The following CD302 variants were observed in gnomAD, a reference collection of about 807,000 sequenced individuals.
CD302 encodes the protein CD302 molecule.
In CD302, 23 loss-of-function variants were observed where a neutral mutation model predicts 26.5. The ratio of observed to expected loss-of-function variants is 0.87; its 90% confidence interval spans 0.62 to 1.23. The LOEUF (loss-of-function observed/expected upper bound fraction) is 1.23, where lower values mean the gene tolerates loss of function less well. Ranked by LOEUF, CD302 falls within the 50% of genes most tolerant of loss-of-function variation. The pLI, the probability that CD302 is intolerant of heterozygous loss-of-function variation, is 0.00. For missense variants in CD302, 290 were observed against 275.5 expected (o/e 1.05, Z -0.37); for synonymous variants, 90 against 99.4 (o/e 0.91, Z 0.56).
chr2:159,789,281 C>T (rs574773316), intron 1 of CD302, among the ~76,000 whole-genome samples: 2 of 152,122 alleles, frequency 1.3e-5, no homozygotes, highest in South Asian at 2.1e-4. Context: ...GGATTACAGG[C>T]GTGAGTCACT....
intron 5 of CD302, among the ~76,000 whole-genome samples, chr2:159,775,061 C>A (rs974834596): frequency 6.6e-6 from 1 of 152,182 alleles, no homozygotes. Flanking sequence ...AAATAAAGTG[C>A]AACACCTCCC....
In CD302 at chr2:159,777,973, C is replaced by T; in HGVS notation, c.470-9G>A. The T allele has an allele frequency of 1.1e-6, 1 of 931,962 alleles. No homozygotes were observed. Among genetic ancestry groups the T allele is most frequent in the Non-Finnish European group, 1.5e-6 (1 of 648,342 alleles). 57.7% of individuals were successfully genotyped at this position (931,962 alleles called of 1,614,324 possible). A position where few individuals can be genotyped will look rare whatever the true frequency, so the allele number is the denominator to read the frequency against. On this transcript the variant is annotated splice_polypyrimidine_tract_variant and intron_variant, in intron 4 of 5. Coordinates refer to ENST00000259053, the MANE Select transcript of CD302 (RefSeq NM_014880.5). ...TTTCCTTTTGTATGGGACTAAAATA[C>T]AAAAGAAAATAAAAATTAGAATTTA...
At chr2:159,779,438 A>G (rs555182254) in intron 4 of CD302, among the ~76,000 whole-genome samples, 2 of 152,118 alleles carry the variant, frequency 1.3e-5, no homozygotes, top group Non-Finnish European at 2.9e-5. Context: ...AATCACATGC[A>G]AAGAGATTAT....
At chr2:159,777,677 G>GA (rs1462774501) in intron 5 of CD302, among the ~76,000 whole-genome samples, 2 of 152,164 alleles carry the variant, frequency 1.3e-5, no homozygotes, top group South Asian at 4.2e-4. Context: ...GACACTTAGG[G>GA]AAAAAATTCA....
rs1250012265 is a variant in CD302 at position 159,769,847 on chromosome 2, TC to T, written c.*2003del. ...AAGAGCAGCACTGCCCAATAAAACT[TC>T]CTATAATGAAAATGTTCTATAATGT... On this transcript the variant is annotated 3_prime_UTR_variant, in exon 6 of 6. Transcript: ENST00000259053. 2.6e-5 allele frequency: 4 copies of T among 152,168 alleles called. No homozygotes were observed. Among genetic ancestry groups the T allele is most frequent in the Non-Finnish European group, 5.9e-5 (4 of 68,012 alleles). 9.4% of individuals were successfully genotyped at this position (152,168 alleles called of 1,614,324 possible). A position where few individuals can be genotyped will look rare whatever the true frequency, so the allele number is the denominator to read the frequency against.
At chr2:159,792,221 G>A (rs1349184898) in intron 1 of CD302, among the ~76,000 whole-genome samples, 3 of 152,068 alleles carry the variant, frequency 2.0e-5, no homozygotes, top group East Asian at 1.9e-4. Context: ...TCCTCACCAC[G>A]TGGACTTCTA....
chr2:159,777,043 A>G (rs1487586170), intron 5 of CD302, among the ~76,000 whole-genome samples: 1 of 151,776 alleles, frequency 6.6e-6, no homozygotes, highest in East Asian at 1.9e-4. Context: ...GATCCTTTGA[A>G]CCCAGGAGTT....
intron 1 of CD302, among the ~76,000 whole-genome samples, chr2:159,784,866 C>T (rs1370640477): frequency 2.6e-5 from 4 of 152,030 alleles, no homozygotes; most frequent in Non-Finnish European, 4.4e-5. Context: ...TAGATTGCTT[C>T]GCAGTCTTAT....
At chr2:159,789,141 C>T (rs1708741963) in intron 1 of CD302, among the ~76,000 whole-genome samples, 1 of 148,818 alleles carries the variant, frequency 6.7e-6, no homozygotes, top group African/African-American at 2.5e-5. Flanking sequence ...CCTCAGCCTC[C>T]TGAGTAGACA....
rs1708487400 is a variant in CD302 at position 159,780,950 on chromosome 2, A to G, written c.227T>C (p.Leu76Pro). Residue 76 changes from leucine to proline, a missense_variant, in exon 3 of 6, where the codon CTG (leucine) becomes CCG (proline). Transcript: ENST00000259053. Reference protein sequence around the residue: ...IHNEEENAFILDTLKKQWKGP... With the variant: ...IHNEEENAFIPDTLKKQWKGP... ...TTTCCATTGCTTTTTCAAAGTATCC[A>G]GTATAAAAGCATTTTCTTCTTCATT... The G allele has an allele frequency of 1.9e-6, 3 of 1,613,716 alleles. No individual in the cohort carries two copies. The highest frequency in any genetic ancestry group is 2.5e-6 in the Non-Finnish European group (3 of 1,179,968).
At chr2:159,792,903 C>G (rs1035108670) in intron 1 of CD302, among the ~76,000 whole-genome samples, 2 of 152,178 alleles carry the variant, frequency 1.3e-5, no homozygotes, top group Non-Finnish European at 2.9e-5. Context: ...GATCCCCGAT[C>G]AGAGTGTGTG....
Position 159,771,995 on chromosome 2 carries a change from C to G in CD302, c.555G>C (p.Leu185Phe). 1 of 1,613,616 alleles carries G rather than the reference C, an allele frequency of 6.2e-7. No individual in the cohort carries two copies. The highest frequency in any genetic ancestry group is 2.2e-5 in the East Asian group (1 of 44,844). Residue 185 changes from leucine (L) to phenylalanine (F), a missense_variant, in exon 6 of 6, where the codon TTG (leucine) becomes TTC (phenylalanine). Physicochemically the swap from Leu to Phe is conservative, Grantham distance 22. Transcript: ENST00000259053. The stretch of plus-strand genomic sequence containing the variant: ...TGTACAGGAACCAAATGATTGCTCC[C>G]AAAACTGTCAAAATTACCGTGCTAG... Reference protein sequence around the residue: ...VIASTVILTVLGAIIWFLYKK... With the variant: ...VIASTVILTVFGAIIWFLYKK...
At position 159,771,684 on chromosome 2, in the gene CD302, A is replaced by T; in HGVS notation, c.*167T>A. On this transcript the variant is annotated 3_prime_UTR_variant, in exon 6 of 6. Coordinates refer to ENST00000259053, the MANE Select transcript of CD302 (RefSeq NM_014880.5). ...GATCATTTCTAAAACCTGTTTTTTTAATGAACCTAAAGACTTTTCACAGCA... is the reference window on the plus strand; with the variant it reads ...GATCATTTCTAAAACCTGTTTTTTTTATGAACCTAAAGACTTTTCACAGCA... 1.3e-6 allele frequency: 1 copy of T among 769,580 alleles called. No homozygotes were observed. The allele number at this position is 769,580 out of a possible 1,614,324, so 47.7% of individuals were successfully genotyped here. A position where few individuals can be genotyped will look rare whatever the true frequency, so the allele number is the denominator to read the frequency against.
chr2:159,786,472 T>G (rs1708668797), intron 1 of CD302, among the ~76,000 whole-genome samples: 1 of 152,002 alleles, frequency 6.6e-6, no homozygotes, highest in Non-Finnish European at 1.5e-5. Context: ...TAGCTGGGAT[T>G]ACAGGCTCCC....
rs1027036217 is a variant in CD302, at chr2:159,770,814, C to CCTAA, written c.*1033_*1036dup. 3.9e-5 allele frequency: 6 copies of CCTAA among 152,202 alleles called. No individual in the cohort carries two copies. The highest frequency in any genetic ancestry group is 9.6e-5 in the African/African-American group (4 of 41,534). The allele number at this position is 152,202 out of a possible 1,614,324, so 9.4% of individuals were successfully genotyped here. ...ACAAGCTGATTTTCACACAAGATTC[C>CCTAA]CTAACTATGCATTTCTTAGAACGTA... On this transcript the variant is annotated 3_prime_UTR_variant, in exon 6 of 6. Coordinates refer to ENST00000259053, the MANE Select transcript of CD302 (RefSeq NM_014880.5).
At chr2:159,772,561 T>A (rs1180650724) in intron 5 of CD302, among the ~76,000 whole-genome samples, 1 of 152,228 alleles carries the variant, frequency 6.6e-6, no homozygotes, top group Non-Finnish European at 1.5e-5. Flanking sequence ...TAAATTTCTG[T>A]AAGTATGCAC....
At chr2:159,782,629 A>ACT (rs1708552869) in intron 2 of CD302, among the ~76,000 whole-genome samples, 2 of 150,696 alleles carry the variant, frequency 1.3e-5, no homozygotes, top group African/African-American at 4.9e-5. Flanking sequence ...GGGGGCTGAC[A>ACT]TGGGAGGATC....
chr2:159,774,448 T>G (rs919515130), intron 5 of CD302, among the ~76,000 whole-genome samples: 23 of 152,204 alleles, frequency 1.5e-4, no homozygotes, highest in African/African-American at 5.5e-4. Context: ...AGGCCCGAAC[T>G]ATACATAATC....
At chr2:159,776,726 A>AGAT (rs1560042306) in intron 5 of CD302, among the ~76,000 whole-genome samples, 2 of 71,782 alleles carry the variant, frequency 2.8e-5, no homozygotes, top group African/African-American at 1.0e-4. Flanking sequence ...TTTTTTTGTG[A>AGAT]GATGGAGTCA....
Sources: gnomAD v4.1 joint callset for allele counts (sites outside exome capture counted in the v4.1 genomes callset) on GRCh38, gnomAD v4.1.1 for gene constraint, MANE v1.5 for transcripts, NCBI Gene and HGNC (gene_info 2026-07-23, HGNC 2026-07-21) for gene names.